The following ROBO2 variants were observed in gnomAD, a reference collection of about 807,000 sequenced individuals.
ROBO2 encodes the protein roundabout guidance receptor 2, also known as roundabout homolog 2.
A neutral mutation model predicts 160.8 loss-of-function variants in ROBO2; 53 were observed. The ratio of observed to expected loss-of-function variants is 0.33; its 90% confidence interval spans 0.26 to 0.41. The LOEUF (loss-of-function observed/expected upper bound fraction) is 0.41, where lower values mean the gene tolerates loss of function less well. Among genes scored for constraint, ROBO2 ranks in the 10% least tolerant of loss-of-function variants. The pLI is 1.00. For synonymous variants in ROBO2, 664 were observed against 611.7 expected, an observed-to-expected ratio of 1.09 and a Z score of -1.26; for missense variants, 1,577 against 1,722.4, an observed-to-expected ratio of 0.92 and a Z score of 1.49.
intron 2 of ROBO2, among the ~76,000 whole-genome samples, chr3:77,274,564 G>A (rs148833909): frequency 1.3e-5 from 2 of 152,116 alleles, no homozygotes; most frequent in African/African-American, 4.8e-5. Context: ...CAAGATTCAG[G>A]TTCTCTTTAA....
At chr3:76,980,597 G>A (rs913560161) in intron 2 of ROBO2, among the ~76,000 whole-genome samples, 9 of 151,990 alleles carry the variant, frequency 5.9e-5, no homozygotes, top group African/African-American at 1.4e-4. Flanking sequence ...TTGACAACTT[G>A]AACTATGCAT....
chr3:77,008,373 G>A (rs1397736522), intron 2 of ROBO2, among the ~76,000 whole-genome samples: 1 of 152,092 alleles, frequency 6.6e-6, no homozygotes, highest in Non-Finnish European at 1.5e-5. Flanking sequence ...GTTACTTGTA[G>A]CATCCATATA....
chr3:77,214,008 C>A (rs1338733621), intron 2 of ROBO2, among the ~76,000 whole-genome samples: 1 of 152,000 alleles, frequency 6.6e-6, no homozygotes, highest in Non-Finnish European at 1.5e-5. Flanking sequence ...ACTATGTGGT[C>A]AATTTTGGAA....
At chr3:76,465,777 A>G (rs1179731120) in intron 2 of ROBO2, among the ~76,000 whole-genome samples, 1 of 152,010 alleles carries the variant, frequency 6.6e-6, no homozygotes, top group Non-Finnish European at 1.5e-5. Context: ...ATATTGTTTG[A>G]ATGGCTTGAT....
chr3:77,530,345 A>G (rs9880355), intron 6 of ROBO2, among the ~76,000 whole-genome samples: 5,835 of 152,086 alleles, frequency 0.038, 155 homozygotes, highest in African/African-American at 0.08. Flanking sequence ...TCACTGGATG[A>G]AACTTCTTGA....
chr3:76,399,430 TAAAACTAAGCTCTCCA>T (rs2077684194), intron 2 of ROBO2, among the ~76,000 whole-genome samples: 1 of 151,716 alleles, frequency 6.6e-6, no homozygotes, highest in Admixed American at 6.6e-5. Flanking sequence ...AATCTGGGGT[TAAAACTAAGCTCTCCA>T]GGAATCTGAA....
intron 2 of ROBO2, among the ~76,000 whole-genome samples, chr3:77,280,019 C>A (rs1200133967): frequency 1.3e-5 from 2 of 152,078 alleles, no homozygotes; most frequent in Non-Finnish European, 2.9e-5. Flanking sequence ...CATAACCCTC[C>A]TCTGTTTAAA....
At chr3:77,557,608 A>AAATTTTAATTTT (rs61364001) in intron 8 of ROBO2, among the ~76,000 whole-genome samples, 3 of 150,680 alleles carry the variant, frequency 2.0e-5, no homozygotes, top group Non-Finnish European at 3.0e-5. Context: ...TAAGCTATTC[A>AAATTTTAATTTT]AATTTTAATT....
In ROBO2 at chr3:76,572,349, G is replaced by A. The variant is rs1411167608; in HGVS notation, c.110-525665G>A. 3.9e-5 allele frequency among the ~76,000 whole-genome samples: 6 copies of A among 152,036 alleles called. No individual in the cohort carries two copies. The East Asian group carries it at 1.2e-3, about 29-fold the overall frequency. On this transcript the variant is annotated intron_variant, in intron 2 of 26. Transcript: ENST00000487694. The stretch of plus-strand genomic sequence containing the variant: ...ATCATCTCTCTCTACTTGTGCCTGA[G>A]GTAGGGTGGTTGTTTTTCTCTTCCT...
At chr3:76,019,260 GGTTAA>G (rs1218767563) in intron 2 of ROBO2, among the ~76,000 whole-genome samples, 1 of 151,238 alleles carries the variant, frequency 6.6e-6, no homozygotes, top group East Asian at 2.0e-4. Flanking sequence ...CTCCCTACAT[GGTTAA>G]GTTTTCTCTG....
intron 2 of ROBO2, among the ~76,000 whole-genome samples, chr3:77,149,950 T>C (rs1383709992): frequency 1.3e-5 from 2 of 152,104 alleles, no homozygotes; most frequent in Non-Finnish European, 2.9e-5. Flanking sequence ...AACAGGAAAA[T>C]TGATGAAAAA....
intron 2 of ROBO2, among the ~76,000 whole-genome samples, chr3:76,745,978 CCCTCCTT>C (rs2093882809): frequency 9.0e-6 from 1 of 111,580 alleles, no homozygotes; most frequent in African/African-American, 3.8e-5. Flanking sequence ...TGCTATCCCT[CCCTCCTT>C]CCCCCACCCC....
intron 2 of ROBO2, among the ~76,000 whole-genome samples, chr3:76,945,856 T>C (rs1249013466): frequency 6.6e-6 from 1 of 152,212 alleles, no homozygotes; most frequent in African/African-American, 2.4e-5. Context: ...ATATAGTTAT[T>C]ATGACTGCTT....
At chr3:76,903,631 C>T (rs1274424034) in intron 2 of ROBO2, among the ~76,000 whole-genome samples, 2 of 152,096 alleles carry the variant, frequency 1.3e-5, no homozygotes, top group African/African-American at 4.8e-5. Flanking sequence ...CTTCAATCTC[C>T]TAGATTTGCC....
intron 2 of ROBO2, among the ~76,000 whole-genome samples, chr3:76,872,907 T>C (rs1373326656): frequency 6.6e-6 from 1 of 152,080 alleles, no homozygotes; most frequent in Non-Finnish European, 1.5e-5. Flanking sequence ...TATTTCAAAG[T>C]GAGCAGTAGA....
chr3:77,058,559 T>C (rs962242682), intron 1 of ROBO2, among the ~76,000 whole-genome samples: 4 of 152,080 alleles, frequency 2.6e-5, no homozygotes, highest in Admixed American at 2.6e-4. Context: ...TGAGATAGGG[T>C]CTCACGCCTC....
At chr3:76,041,633 GT>G (rs1206865125) in intron 2 of ROBO2, among the ~76,000 whole-genome samples, 1 of 151,768 alleles carries the variant, frequency 6.6e-6, no homozygotes, top group Non-Finnish European at 1.5e-5. Context: ...AGAATTTTTT[GT>G]TTTTTCATGT....
intron 2 of ROBO2, among the ~76,000 whole-genome samples, chr3:76,279,125 TTA>T (rs990220964): frequency 5.6e-4 from 85 of 150,556 alleles, no homozygotes; most frequent in African/African-American, 1.9e-3. Flanking sequence ...TATGGATATA[TTA>T]TATATATATA....
intron 2 of ROBO2, among the ~76,000 whole-genome samples, chr3:76,516,953 G>A (rs987005969): frequency 6.6e-6 from 1 of 152,116 alleles, no homozygotes; most frequent in Non-Finnish European, 1.5e-5. Context: ...TAAAGAGACA[G>A]CGATTATTTT....
Sources: allele counts gnomAD v4.1 joint callset (sites outside exome capture counted in the v4.1 genomes callset), GRCh38; gene constraint gnomAD v4.1.1; transcripts MANE v1.5; gene names NCBI Gene and HGNC (gene_info 2026-07-23, HGNC 2026-07-21).